The following SORCS2 variants were observed in gnomAD, a reference collection of about 807,000 sequenced individuals.
SORCS2 encodes the protein VPS10 domain-containing receptor SorCS2.
SORCS2 carries 100 observed loss-of-function variants against 141.6 expected under a neutral mutation model. The observed-to-expected ratio is 0.71, with a 90% CI of 0.60 to 0.83. The LOEUF is 0.83. SORCS2 is among the 40% of genes least tolerant of loss of function. SORCS2 has a pLI of 0.00. For synonymous variants in SORCS2, 789 were observed against 676.9 expected (o/e 1.17, Z -2.57); for missense variants, 1,646 against 1,560.2 (o/e 1.05, Z -0.93).
intron 1 of SORCS2, among the ~76,000 whole-genome samples, chr4:7,314,331 TA>T (rs1354751068): frequency 0.24 from 31,225 of 131,268 alleles, 4,234 homozygotes; most frequent in South Asian, 0.47. Context: ...GCCTTTTTTT[TA>T]TTTTTTTTAT....
intron 3 of SORCS2, among the ~76,000 whole-genome samples, chr4:7,538,784 G>A (rs756426996): frequency 1.1e-4 from 16 of 152,302 alleles, no homozygotes; most frequent in East Asian, 5.8e-4. Flanking sequence ...TCACTCGCCC[G>A]TGTCTTCGTA....
intron 1 of SORCS2, among the ~76,000 whole-genome samples, chr4:7,219,848 G>A (rs1728595368): frequency 6.6e-6 from 1 of 152,184 alleles, no homozygotes; most frequent in Non-Finnish European, 1.5e-5. Flanking sequence ...ACCCTGATGT[G>A]CAGGGCACAG....
At chr4:7,493,458 C>T (rs1731426271) in intron 2 of SORCS2, among the ~76,000 whole-genome samples, 2 of 152,212 alleles carry the variant, frequency 1.3e-5, no homozygotes, top group African/African-American at 2.4e-5. Flanking sequence ...GGTGTCTAAG[C>T]AGCTGCTTGT....
At chr4:7,372,721 C>G (rs1013099369) in intron 1 of SORCS2, among the ~76,000 whole-genome samples, 2 of 152,168 alleles carry the variant, frequency 1.3e-5, no homozygotes, top group African/African-American at 4.8e-5. Context: ...CAGAAGTTCC[C>G]CTGTGCCCTT....
At chr4:7,194,499 A>G (rs79756859) in intron 1 of SORCS2, among the ~76,000 whole-genome samples, 6,642 of 152,256 alleles carry the variant, frequency 0.044, 480 homozygotes, top group African/African-American at 0.15. Context: ...GCCAGCATCT[A>G]TCAGGGTACA....
intron 1 of SORCS2, among the ~76,000 whole-genome samples, chr4:7,258,885 G>A (rs973176433): frequency 2.0e-5 from 3 of 152,166 alleles, no homozygotes; most frequent in African/African-American, 4.8e-5. Context: ...GTGATGATGA[G>A]CATTTTTTTC....
At chr4:7,444,938 C>A (rs1030925074) in intron 2 of SORCS2, among the ~76,000 whole-genome samples, 1 of 152,224 alleles carries the variant, frequency 6.6e-6, no homozygotes, top group Non-Finnish European at 1.5e-5. Context: ...GGACGATGAA[C>A]CGGAGGAGGC....
intron 1 of SORCS2, among the ~76,000 whole-genome samples, chr4:7,323,137 A>C (rs1719009293): frequency 6.6e-6 from 1 of 152,232 alleles, no homozygotes; most frequent in South Asian, 2.1e-4. Flanking sequence ...CAGTTTTGCA[A>C]ATGGCCTTAG....
intron 2 of SORCS2, among the ~76,000 whole-genome samples, chr4:7,401,256 T>C (rs939969802): frequency 6.6e-6 from 1 of 151,466 alleles, no homozygotes; most frequent in Admixed American, 6.6e-5. Context: ...AATGAATGGA[T>C]TGATGGATGG....
chr4:7,700,671 G>C (rs1014572943), intron 12 of SORCS2, among the ~76,000 whole-genome samples: 2 of 152,226 alleles, frequency 1.3e-5, no homozygotes, highest in African/African-American at 4.8e-5. Flanking sequence ...TTAGGACAGA[G>C]GATCCCGGCA....
chr4:7,215,630 C>A lies in SORCS2; in HGVS notation c.480+22504C>A, dbSNP rs1013510048. Among the ~76,000 whole-genome samples the A allele has an allele frequency of 1.7e-4, 26 of 152,318 alleles. No homozygotes were observed. The East Asian group carries it at 1.9e-3, about 11-fold the overall frequency. ...GGACGTGGAGAATCTTTATGTCTAG[C>A]TCAGGGATTGTAAATACACCAATCG... On this transcript the variant is annotated intron_variant, in intron 1 of 26. Coordinates refer to ENST00000507866, the MANE Select transcript of SORCS2 (RefSeq NM_020777.3).
rs572083982 is a variant in SORCS2, at chr4:7,719,258, C to G, written c.2424+1075C>G. On this transcript the variant is annotated intron_variant, in intron 18 of 26. Transcript: ENST00000507866. Reference sequence around the variant, plus strand: ...GGAGTTGGAAAGCAGGGAGCCTGGTCTAAGGCAAACATGGAAACTGAGGCC... The same window carrying G: ...GGAGTTGGAAAGCAGGGAGCCTGGTGTAAGGCAAACATGGAAACTGAGGCC... Among the ~76,000 whole-genome samples, 15 of 152,372 alleles carry G rather than the reference C, an allele frequency of 9.8e-5. No individual in the cohort carries two copies. The South Asian group carries it at 3.1e-3, about 32-fold the overall frequency.
Position 7,538,057 on chromosome 4 carries a change from A to G in SORCS2, c.648+6428A>G, listed in dbSNP as rs114443311. The stretch of plus-strand genomic sequence containing the variant: ...TGACCCGGGTGACTCTGATTGGGAA[A>G]AGATCACTTTGTTTACAGGGGCAGT... On this transcript the variant is annotated intron_variant, in intron 3 of 26. Transcript: ENST00000507866. Among the ~76,000 whole-genome samples the G allele has an allele frequency of 7.3e-3, 1,110 of 152,262 alleles. 19 individuals carry two copies. The highest frequency in any genetic ancestry group is 0.025 in the African/African-American group (1,046 of 41,542).
At chr4:7,459,620 G>A (rs1399521866) in intron 2 of SORCS2, among the ~76,000 whole-genome samples, 1 of 152,160 alleles carries the variant, frequency 6.6e-6, no homozygotes, top group Admixed American at 6.5e-5. Flanking sequence ...TGAATTCCCC[G>A]GGCATCTGTC....
At chr4:7,380,918 C>G (rs960580899) in intron 1 of SORCS2, among the ~76,000 whole-genome samples, 2 of 152,088 alleles carry the variant, frequency 1.3e-5, no homozygotes, top group Middle Eastern at 3.2e-3. Context: ...CCCGTCTCTA[C>G]TAAAAATACA....
At chr4:7,243,702 A>G (rs1712870636) in intron 1 of SORCS2, among the ~76,000 whole-genome samples, 2 of 152,252 alleles carry the variant, frequency 1.3e-5, no homozygotes, top group African/African-American at 4.8e-5. Flanking sequence ...TGTGGTTTGC[A>G]CAAACAGCAA....
At chr4:7,437,250 C>A (rs1727368810) in intron 2 of SORCS2, among the ~76,000 whole-genome samples, 1 of 152,170 alleles carries the variant, frequency 6.6e-6, no homozygotes, top group African/African-American at 2.4e-5. Context: ...TGATAATTCT[C>A]TAGGGTGGCT....
intron 1 of SORCS2, among the ~76,000 whole-genome samples, chr4:7,238,003 G>T (rs1183966126): frequency 6.6e-6 from 1 of 152,130 alleles, no homozygotes; most frequent in Non-Finnish European, 1.5e-5. Flanking sequence ...TGGGCCAGGG[G>T]TGCTGTTGGA....
intron 3 of SORCS2, among the ~76,000 whole-genome samples, chr4:7,554,711 G>T (rs932049744): frequency 2.0e-5 from 3 of 152,218 alleles, no homozygotes; most frequent in African/African-American, 7.2e-5. Flanking sequence ...TGCCAGGATT[G>T]AGATTTGTAG....
Sources: allele counts gnomAD v4.1 joint callset (sites outside exome capture counted in the v4.1 genomes callset), GRCh38; gene constraint gnomAD v4.1.1; transcripts MANE v1.5; gene names NCBI Gene and HGNC (gene_info 2026-07-23, HGNC 2026-07-21).